Variants in AGMO observed in about 807,000 individuals in gnomAD.
The protein encoded by AGMO is glyceryl-ether monooxygenase.
AGMO carries 75 observed loss-of-function variants against 60.2 expected under a neutral mutation model. That is an observed-to-expected ratio of 1.25 (90% CI 1.03 to 1.51). The LOEUF is 1.51. Among genes scored for constraint, AGMO ranks in the 40% most tolerant of loss-of-function variants. AGMO has a pLI of 0.00. For synonymous variants in AGMO, 261 were observed against 177.1 expected (o/e 1.47, Z -3.76); for missense variants, 763 against 525.5 (o/e 1.45, Z -4.42).
At chr7:15,192,732 G>T in the AGMO span, among the ~76,000 whole-genome samples, 3 of 151,996 alleles carry the variant, frequency 2.0e-5, no homozygotes, top group Non-Finnish European at 2.9e-5. Flanking sequence ...TGGTTCCAGC[G>T]CCCAAAAGTG....
intron 3 of AGMO, among the ~76,000 whole-genome samples, chr7:15,469,139 CA>C (rs1168240010): frequency 6.6e-6 from 1 of 152,016 alleles, no homozygotes; most frequent in Non-Finnish European, 1.5e-5. Flanking sequence ...TAAGTTACCA[CA>C]ATTTAAAATT....
intron 12 of AGMO, among the ~76,000 whole-genome samples, chr7:15,229,710 A>ATGTG: frequency 7.9e-6 from 1 of 126,084 alleles, no homozygotes; most frequent in East Asian, 2.0e-4. Context: ...ATTTATATAT[A>ATGTG]TATTATATTA....
chr7:15,416,027 C>CTTTTCTTTTTTT (rs1554269474), intron 5 of AGMO, among the ~76,000 whole-genome samples: 3 of 130,910 alleles, frequency 2.3e-5, no homozygotes, highest in East Asian at 2.2e-4. Context: ...TTCTTTTTTT[C>CTTTTCTTTTTTT]TTTTTTTTTT....
the AGMO span, among the ~76,000 whole-genome samples, chr7:15,144,815 T>G: frequency 1.3e-5 from 2 of 152,168 alleles, no homozygotes; most frequent in Non-Finnish European, 2.9e-5. Flanking sequence ...GCGTAACTTT[T>G]CTTTTTGTTT....
intron 3 of AGMO, among the ~76,000 whole-genome samples, chr7:15,481,368 C>G (rs2128517339): frequency 6.6e-6 from 1 of 152,050 alleles, no homozygotes; most frequent in East Asian, 1.9e-4. Flanking sequence ...GTCCGTGAAT[C>G]TCTGCCAAAA....
chr7:15,316,030 G>C (rs1780912885), intron 12 of AGMO, among the ~76,000 whole-genome samples: 1 of 152,050 alleles, frequency 6.6e-6, no homozygotes, highest in Non-Finnish European at 1.5e-5. Flanking sequence ...TTATCAAGCA[G>C]AACAGCAGGC....
chr7:15,436,511 T>G (rs146300626), intron 3 of AGMO, among the ~76,000 whole-genome samples: 4 of 152,256 alleles, frequency 2.6e-5, no homozygotes, highest in Admixed American at 6.5e-5. Flanking sequence ...AGGCCCCACC[T>G]CCTAACATTG....
chr7:15,418,880 T>A (rs1028038680), intron 4 of AGMO, among the ~76,000 whole-genome samples: 2 of 151,880 alleles, frequency 1.3e-5, no homozygotes, highest in African/African-American at 4.8e-5. Context: ...TTTAATATTG[T>A]CTAGTTAAAA....
intron 12 of AGMO, among the ~76,000 whole-genome samples, chr7:15,348,280 T>C (rs1782106547): frequency 1.3e-5 from 2 of 152,014 alleles, no homozygotes; most frequent in African/African-American, 2.4e-5. Context: ...GAAACCCTCA[T>C]CAATATACAT....
intron 10 of AGMO, among the ~76,000 whole-genome samples, chr7:15,375,063 T>A (rs548200999): frequency 6.6e-6 from 1 of 152,194 alleles, no homozygotes; most frequent in South Asian, 2.1e-4. Context: ...CAAAGGGTTG[T>A]GCCTCAGTAT....
At chr7:15,282,362 G>C (rs1032488878) in intron 12 of AGMO, among the ~76,000 whole-genome samples, 34 of 151,934 alleles carry the variant, frequency 2.2e-4, no homozygotes, top group African/African-American at 8.0e-4. Flanking sequence ...TTTATAAAGA[G>C]ATAGATATTT....
At chr7:15,376,570 G>C (rs1206721528) in intron 10 of AGMO, among the ~76,000 whole-genome samples, 1 of 151,988 alleles carries the variant, frequency 6.6e-6, no homozygotes, top group African/African-American at 2.4e-5. Context: ...AAAGTAATCT[G>C]TGTTCAAATG....
chr7:15,208,195 T>C (rs1260454655), intron 12 of AGMO, among the ~76,000 whole-genome samples: 1 of 152,170 alleles, frequency 6.6e-6, no homozygotes, highest in African/African-American at 2.4e-5. Flanking sequence ...AGTGACTTTT[T>C]GGACTTTTTC....
intron 12 of AGMO, among the ~76,000 whole-genome samples, chr7:15,316,418 C>T (rs1281552337): frequency 6.6e-6 from 1 of 152,132 alleles, no homozygotes; most frequent in Non-Finnish European, 1.5e-5. Flanking sequence ...CACTTGAGGG[C>T]CACTGACTCA....
At chr7:15,351,036 C>T (rs771705492) in intron 12 of AGMO, among the ~76,000 whole-genome samples, 5 of 152,106 alleles carry the variant, frequency 3.3e-5, no homozygotes, top group Non-Finnish European at 2.9e-5. Flanking sequence ...AGATAGTAGG[C>T]ATTCTAAGCA....
chr7:15,354,436 G>GTA (rs59558383), intron 12 of AGMO, among the ~76,000 whole-genome samples: 11 of 21,964 alleles, frequency 5.0e-4, no homozygotes, highest in African/African-American at 1.5e-3. Context: ...ACACGTGTGT[G>GTA]TATACACACG....
the AGMO span, among the ~76,000 whole-genome samples, chr7:15,190,125 A>AGCAAACAGCTG: frequency 6.3e-4 from 1 of 1,592 alleles, no homozygotes; most frequent in African/African-American, 2.1e-3. Flanking sequence ...ATATATATAT[A>AGCAAACAGCTG]TTTATATATA....
At chr7:15,415,662 T>C (rs539973158) in intron 5 of AGMO, among the ~76,000 whole-genome samples, 1 of 152,152 alleles carries the variant, frequency 6.6e-6, no homozygotes, top group Non-Finnish European at 1.5e-5. Context: ...AATGTGATAA[T>C]AAATTTAAGA....
At chr7:15,377,705 C>T (rs1783508225) in intron 10 of AGMO, among the ~76,000 whole-genome samples, 2 of 152,126 alleles carry the variant, frequency 1.3e-5, no homozygotes, top group Middle Eastern at 6.8e-3. Context: ...ATGACCCTGG[C>T]TTTTCTTTTG....
Sources: allele counts gnomAD v4.1 joint callset (sites outside exome capture counted in the v4.1 genomes callset), GRCh38; gene constraint gnomAD v4.1.1; transcripts MANE v1.5; gene names NCBI Gene and HGNC (gene_info 2026-07-23, HGNC 2026-07-21).